The following GRIK2 variants were observed in gnomAD, a reference collection of about 807,000 sequenced individuals.
GRIK2 encodes glutamate ionotropic receptor kainate type subunit 2.
Under a neutral mutation model 100.3 loss-of-function variants are expected in GRIK2, and 32 were observed. The observed-to-expected ratio is 0.32, with a 90% CI of 0.24 to 0.43. GRIK2 has a LOEUF of 0.43. Ranked by LOEUF, GRIK2 falls within the 20% of genes least tolerant of loss-of-function variation. The pLI is 1.00. For synonymous variants in GRIK2, 417 were observed against 389.4 expected, an observed-to-expected ratio of 1.07 and a Z score of -0.83; for missense variants, 843 against 1,114.9, an observed-to-expected ratio of 0.76 and a Z score of 3.47.
chr6:101,876,677 A>G (rs1196652094), intron 11 of GRIK2, among the ~76,000 whole-genome samples: 2 of 151,880 alleles, frequency 1.3e-5, no homozygotes, highest in African/African-American at 2.4e-5. Flanking sequence ...ACCCTTTGTT[A>G]AAATAGTCAA....
At chr6:102,065,346 C>G (rs563969733) in intron 16 of GRIK2, among the ~76,000 whole-genome samples, 284 of 151,204 alleles carry the variant, frequency 1.9e-3, no homozygotes, top group Admixed American at 2.8e-3. Context: ...GCAATATAAA[C>G]TTAATATTAT....
chr6:101,781,755 A>T (rs1779110441), intron 7 of GRIK2, among the ~76,000 whole-genome samples: 1 of 151,736 alleles, frequency 6.6e-6, no homozygotes, highest in African/African-American at 2.4e-5. Flanking sequence ...TCAGAAATCT[A>T]TTTTTTTCAT....
rs147027754 is a variant in GRIK2, at chr6:101,801,323, C to G, written c.1096-1008C>G. Among the ~76,000 whole-genome samples the G allele has an allele frequency of 1.4e-4, 22 of 152,030 alleles. 1 individual carries two copies. The highest frequency in any genetic ancestry group is 6.8e-3 in the Middle Eastern group (2 of 292). On this transcript the variant is annotated intron_variant, in intron 8 of 16. Transcript: ENST00000369134. ...ATATTTTTTTCTTCCTTATTCCAAA[C>G]CAGTGAACACATGTTTAACTTTAGC...
chr6:101,578,481 C>T (rs761627153), intron 2 of GRIK2, among the ~76,000 whole-genome samples: 21 of 152,164 alleles, frequency 1.4e-4, no homozygotes, highest in Non-Finnish European at 2.8e-4. Flanking sequence ...GGTATGTGTG[C>T]TGGTGCCAAG....
chr6:101,774,050 CTT>C (rs1296280214), intron 7 of GRIK2, among the ~76,000 whole-genome samples: 1 of 151,928 alleles, frequency 6.6e-6, no homozygotes, highest in Admixed American at 6.6e-5. Context: ...CTTTTTAAGT[CTT>C]TTTCAAATCA....
intron 6 of GRIK2, among the ~76,000 whole-genome samples, chr6:101,683,066 G>A (rs1287834495): frequency 2.0e-5 from 3 of 152,050 alleles, no homozygotes; most frequent in Non-Finnish European, 4.4e-5. Flanking sequence ...AGCCGGGCAT[G>A]GTGGTGGGTG....
At position 101,806,094 on chromosome 6, in the gene GRIK2, G is replaced by A. The variant is rs1264299552; in HGVS notation, c.1203+3656G>A. 4.6e-5 allele frequency among the ~76,000 whole-genome samples: 7 copies of A among 152,112 alleles called. 1 individual carries two copies. Among genetic ancestry groups the A allele is most frequent in the African/African-American group, 9.6e-5 (4 of 41,518 alleles). On this transcript the variant is annotated intron_variant, in intron 9 of 16. Coordinates refer to ENST00000369134, the MANE Select transcript of GRIK2 (RefSeq NM_021956.5). ...TGTATACACAGCCAGCCACTTCTGT[G>A]CAAACAAGCTCTCTGGGACCATGGC...
intron 7 of GRIK2, among the ~76,000 whole-genome samples, chr6:101,732,114 CT>C (rs545587938): frequency 6.6e-6 from 1 of 151,466 alleles, no homozygotes; most frequent in Non-Finnish European, 1.5e-5. Context: ...ACACACACAC[CT>C]TTTTTTTCCT....
At chr6:101,664,125 T>G (rs1452475741) in intron 4 of GRIK2, among the ~76,000 whole-genome samples, 2 of 152,312 alleles carry the variant, frequency 1.3e-5, no homozygotes, top group South Asian at 2.1e-4. Context: ...ATGAGTTACC[T>G]TTTTGCTCAG....
At chr6:101,754,311 A>G (rs1776988353) in intron 7 of GRIK2, among the ~76,000 whole-genome samples, 1 of 152,210 alleles carries the variant, frequency 6.6e-6, no homozygotes, top group Admixed American at 6.5e-5. Context: ...TTGAAAGGCA[A>G]TATGTGCCTG....
chr6:101,806,536 C>T (rs1017696003), intron 9 of GRIK2, among the ~76,000 whole-genome samples: 1 of 151,848 alleles, frequency 6.6e-6, no homozygotes, highest in African/African-American at 2.4e-5. Context: ...CATAGATTCT[C>T]ATTGTGTTTT....
intron 9 of GRIK2, among the ~76,000 whole-genome samples, chr6:101,805,056 C>T (rs1186169893): frequency 6.6e-6 from 1 of 151,904 alleles, no homozygotes; most frequent in East Asian, 1.9e-4. Flanking sequence ...CAGCGTCTTA[C>T]ACTGAATCAT....
At chr6:101,793,810 G>C (rs1372118852) in intron 7 of GRIK2, among the ~76,000 whole-genome samples, 3 of 152,182 alleles carry the variant, frequency 2.0e-5, no homozygotes, top group African/African-American at 4.8e-5. Context: ...CCTGCCCCCA[G>C]AGGTGGAGCC....
At chr6:101,739,819 T>C (rs1775907930) in intron 7 of GRIK2, among the ~76,000 whole-genome samples, 2 of 152,158 alleles carry the variant, frequency 1.3e-5, no homozygotes. Flanking sequence ...GTATGTGTCA[T>C]GTTTCACTGC....
At chr6:101,409,581 A>G (rs1775781629) in intron 2 of GRIK2, among the ~76,000 whole-genome samples, 4 of 152,064 alleles carry the variant, frequency 2.6e-5, no homozygotes, top group Admixed American at 2.0e-4. Context: ...TTAGACCGTG[A>G]ATTTAGTTGT....
intron 7 of GRIK2, among the ~76,000 whole-genome samples, chr6:101,700,024 C>T (rs1006546629): frequency 1.3e-5 from 2 of 151,916 alleles, no homozygotes; most frequent in African/African-American, 4.8e-5. Flanking sequence ...GTTTCACACG[C>T]ATGTAGTCCC....
At chr6:101,789,956 C>G (rs557788160) in intron 7 of GRIK2, among the ~76,000 whole-genome samples, 1 of 152,078 alleles carries the variant, frequency 6.6e-6, no homozygotes, top group Non-Finnish European at 1.5e-5. Flanking sequence ...GTATTTTATT[C>G]TCTTTGAAGC....
At chr6:101,401,890 G>A (rs1775325894) in intron 2 of GRIK2, among the ~76,000 whole-genome samples, 1 of 152,176 alleles carries the variant, frequency 6.6e-6, no homozygotes, top group African/African-American at 2.4e-5. Flanking sequence ...GCCTCTGCTG[G>A]GGAGGCAGCA....
chr6:101,675,665 T>C (rs1770782386), intron 4 of GRIK2, among the ~76,000 whole-genome samples: 1 of 152,164 alleles, frequency 6.6e-6, no homozygotes. Flanking sequence ...TATTTTAAAA[T>C]GCATCACAGT....
Sources: allele counts gnomAD v4.1 joint callset (sites outside exome capture counted in the v4.1 genomes callset), GRCh38; gene constraint gnomAD v4.1.1; transcripts MANE v1.5; gene names NCBI Gene and HGNC (gene_info 2026-07-23, HGNC 2026-07-21).